The following CCDC146 variants were observed in gnomAD, a reference collection of about 807,000 sequenced individuals.
CCDC146 encodes coiled-coil domain containing 146, also known as coiled-coil domain-containing protein 146.
Under a neutral mutation model 119.3 loss-of-function variants are expected in CCDC146, and 92 were observed. The ratio of observed to expected loss-of-function variants is 0.77; its 90% CI spans 0.65 to 0.92. The LOEUF (loss-of-function observed/expected upper bound fraction) is 0.92, where lower values mean the gene tolerates loss of function less well. Ranked by LOEUF, CCDC146 falls within the 40% of genes least tolerant of loss-of-function variation. The probability of loss-of-function intolerance (pLI) is 0.00; values close to 1 mark genes in which losing one functional copy is unlikely to be tolerated. For synonymous variants in CCDC146, 372 were observed against 371.8 expected, an observed-to-expected ratio of 1.00 and a Z score of -0.01; for missense variants, 1,000 against 1,103.0, an observed-to-expected ratio of 0.91 and a Z score of 1.32.
chr7:77,144,025 A>G (rs1309362897), intron 1 of CCDC146, among the ~76,000 whole-genome samples: 1 of 151,626 alleles, frequency 6.6e-6, no homozygotes, highest in Non-Finnish European at 1.5e-5. Context: ...CATTTTCACG[A>G]TATTAATTCT....
chr7:77,198,246 A>G, intron 2 of CCDC146: 3 of 985,436 alleles, frequency 3.0e-6, no homozygotes, highest in Non-Finnish European at 3.6e-6. Flanking sequence ...TGCCCTGGGG[A>G]TGGAGCATGC....
chr7:77,219,251 T>C (rs1265439240), intron 2 of CCDC146, among the ~76,000 whole-genome samples: 2 of 152,204 alleles, frequency 1.3e-5, no homozygotes, highest in Non-Finnish European at 1.5e-5. Flanking sequence ...TTTGTTAGAA[T>C]CTATTTTTTA....
At chr7:77,229,537 G>A (rs12667248) in intron 2 of CCDC146, among the ~76,000 whole-genome samples, 10,347 of 152,154 alleles carry the variant, frequency 0.068, 713 homozygotes, top group East Asian at 0.28. Flanking sequence ...TCTGCATATG[G>A]CTATCCGGTT....
intron 2 of CCDC146, among the ~76,000 whole-genome samples, chr7:77,219,348 G>GTAT (rs201065334): frequency 0.043 from 6,616 of 152,198 alleles, 187 homozygotes; most frequent in Non-Finnish European, 0.065. Context: ...TGTTATGTAT[G>GTAT]GTTCTATCTG....
In CCDC146 at chr7:77,256,494, T is replaced by G; in HGVS notation, c.669T>G (p.His223Gln). 1 of 1,605,990 alleles carries G rather than the reference T, an allele frequency of 6.2e-7. No individual in the cohort carries two copies. The highest frequency in any genetic ancestry group is 8.5e-7 in the Non-Finnish European group (1 of 1,177,898). ...EQKELEELLG[H>Q]QVVLKDEVAH... ...AGGAACTAGAAGAATTGTTGGGACA[T>G]CAGGTCGTCCTAAAGGTGTGCTACT... Residue 223 changes from histidine to glutamine, a missense_variant, in exon 6 of 19, where the codon CAT becomes CAG. By Grantham distance (24) the His-to-Gln change is conservative. Transcript: ENST00000285871.
rs966522624 is a variant in CCDC146 at position 77,282,305 on chromosome 7, C to A, written c.1920-252C>A. 27 of 381,730 alleles carry A rather than the reference C, an allele frequency of 7.1e-5. No homozygotes were observed. In the South Asian group the frequency reaches 1.3e-3, roughly 18 times the overall value. 23.6% of individuals were successfully genotyped at this position (381,730 alleles called of 1,614,324 possible). A position where few individuals can be genotyped will look rare whatever the true frequency, so the allele number is the denominator to read the frequency against. On this transcript the variant is annotated intron_variant, in intron 14 of 18. Transcript: ENST00000285871. ...TCCCACCCCAGGAAAACCTTTGGGA[C>A]TTTCAGAGACATTGTGGCTAGCCAA...
At chr7:77,212,869 G>A (rs78989844) in intron 2 of CCDC146, among the ~76,000 whole-genome samples, 3,597 of 151,180 alleles carry the variant, frequency 0.024, 128 homozygotes, top group East Asian at 0.14. Context: ...TCCATAATCT[G>A]GATTTTGCTT....
At chr7:77,161,555 C>T (rs1791261847) in intron 1 of CCDC146, among the ~76,000 whole-genome samples, 1 of 147,342 alleles carries the variant, frequency 6.8e-6, no homozygotes, top group Non-Finnish European at 1.5e-5. Context: ...CCAAACACCG[C>T]ATATTCTCAC....
Position 77,274,428 on chromosome 7 carries a change from C to T in CCDC146, c.1270-54C>T, listed in dbSNP as rs1439056490. 2.5e-6 allele frequency: 3 copies of T among 1,179,302 alleles called. No individual in the cohort carries two copies. The Admixed American group carries it at 8.3e-5, about 33-fold the overall frequency. 73.1% of individuals were successfully genotyped at this position (1,179,302 alleles called of 1,614,324 possible). A position where few individuals can be genotyped will look rare whatever the true frequency, so the allele number is the denominator to read the frequency against. ...AAGGTAGTCTAAGATACTAGCTTTA[C>T]TGTATTACTTCAAACAAATAACTTA... On this transcript the variant is annotated intron_variant, in intron 10 of 18. Transcript: ENST00000285871.
chr7:77,188,371 A>C (rs921730991), intron 2 of CCDC146, among the ~76,000 whole-genome samples: 1 of 152,184 alleles, frequency 6.6e-6, no homozygotes, highest in African/African-American at 2.4e-5. Context: ...GGAAAAGGGG[A>C]GTAAAACTAG....
At chr7:77,133,182 A>AT (rs1470658484) in intron 1 of CCDC146, among the ~76,000 whole-genome samples, 2 of 151,682 alleles carry the variant, frequency 1.3e-5, no homozygotes, top group African/African-American at 2.4e-5. Flanking sequence ...AAAAAAAAAA[A>AT]TTTTTTTTGG....
At chr7:77,292,296 T>C (rs1032731965) in intron 17 of CCDC146, among the ~76,000 whole-genome samples, 18 of 93,280 alleles carry the variant, frequency 1.9e-4, no homozygotes, top group African/African-American at 8.2e-4. Context: ...CTTGTCTTTA[T>C]TTTAATTTTT....
chr7:77,198,894 C>T (rs1001511048), intron 2 of CCDC146: 27 of 456,604 alleles, frequency 5.9e-5, no homozygotes, highest in Non-Finnish European at 1.0e-4. Context: ...ACTAAAACAT[C>T]AAGAAATTCT....
intron 1 of CCDC146, among the ~76,000 whole-genome samples, chr7:77,130,647 G>T (rs1790769870): frequency 7.0e-6 from 1 of 142,256 alleles, no homozygotes; most frequent in Non-Finnish European, 1.5e-5. Flanking sequence ...CGCCCAGGCT[G>T]GAGTGCAGTG....
intron 4 of CCDC146, among the ~76,000 whole-genome samples, chr7:77,251,258 G>C (rs563420609): frequency 1.8e-4 from 27 of 152,148 alleles, no homozygotes; most frequent in African/African-American, 6.5e-4. Flanking sequence ...CTGACCTCAA[G>C]TTATCTGCCC....
rs1210899498 is a variant in CCDC146, at chr7:77,279,069, A to G, written c.1662A>G (p.Glu554=). 4.3e-6 allele frequency: 7 copies of G among 1,610,692 alleles called. No individual in the cohort carries two copies. The highest frequency in any genetic ancestry group is 5.9e-6 in the Non-Finnish European group (7 of 1,178,420). Residue 554 remains glutamate, a synonymous_variant, in exon 13 of 19, where the codon GAA becomes GAG. Coordinates refer to ENST00000285871, the MANE Select transcript of CCDC146 (RefSeq NM_020879.3). ...ATAAAATGTCATTAAATGAACTTGA[A>G]ATTCTGAGAAATAGTGCCGTTAGTC... is the stretch of plus-strand genomic sequence containing the variant. The part of the protein sequence containing the change: ...ERHKMSLNEL[E]ILRNSAVSQE...
chr7:77,194,841 T>A (rs1443969321), intron 2 of CCDC146: 2 of 152,138 alleles, frequency 1.3e-5, no homozygotes, highest in Admixed American at 6.5e-5. Context: ...ATGATGAAAT[T>A]AAACACATTT....
chr7:77,260,123 A>C lies in CCDC146; in HGVS notation c.873A>C (p.Ile291=). 1 of 1,614,128 alleles carries C rather than the reference A, an allele frequency of 6.2e-7. No homozygotes were observed. Among genetic ancestry groups the C allele is most frequent in the Non-Finnish European group, 8.5e-7 (1 of 1,179,996 alleles). ...SAIVDEKENV[I]KEVEGKRALL... is the part of the protein sequence containing the mutation. ...TAGTGGATGAGAAGGAAAATGTAAT[A>C]AAGGAAGTTGAAGGCAAACGAGCCT... The change falls in exon 8 of 19, where the codon ATA becomes ATC. Residue 291 remains isoleucine, a synonymous_variant. Coordinates refer to ENST00000285871, the MANE Select transcript of CCDC146 (RefSeq NM_020879.3).
intron 2 of CCDC146, among the ~76,000 whole-genome samples, chr7:77,169,032 G>T (rs986584038): frequency 1.4e-4 from 21 of 152,022 alleles, no homozygotes; most frequent in African/African-American, 4.8e-4. Flanking sequence ...TATAGCAAAA[G>T]AAAATTCTAG....
Sources: allele counts gnomAD v4.1 joint callset (sites outside exome capture counted in the v4.1 genomes callset), GRCh38; gene constraint gnomAD v4.1.1; transcripts MANE v1.5; gene names NCBI Gene and HGNC (gene_info 2026-07-23, HGNC 2026-07-21).